Variants in SPON1 observed in about 807,000 individuals in gnomAD.
The protein encoded by SPON1 is spondin-1.
In SPON1, 52 loss-of-function variants were observed where a neutral mutation model predicts 111.7. That is an observed-to-expected ratio of 0.47 (90% CI 0.37 to 0.59). The LOEUF is 0.59. Ranked by LOEUF, SPON1 falls within the 20% of genes least tolerant of loss-of-function variation. The pLI, the probability that SPON1 is intolerant of heterozygous loss-of-function variation, is 0.00. For missense variants in SPON1, 957 were observed against 1,068.5 expected, an observed-to-expected ratio of 0.90 and a Z score of 1.46; for synonymous variants, 410 against 395.8, an observed-to-expected ratio of 1.04 and a Z score of -0.43.
At chr11:14,100,867 G>A (rs1347723634) in intron 5 of SPON1, among the ~76,000 whole-genome samples, 1 of 152,180 alleles carries the variant, frequency 6.6e-6, no homozygotes, top group Non-Finnish European at 1.5e-5. Flanking sequence ...ACTGATGGCT[G>A]ACATAAGACC....
At chr11:14,063,571 G>A (rs533482265) in intron 3 of SPON1, among the ~76,000 whole-genome samples, 2 of 152,210 alleles carry the variant, frequency 1.3e-5, no homozygotes, top group South Asian at 4.1e-4. Flanking sequence ...ACTCTGTGAG[G>A]GTCCAAGATG....
chr11:14,134,530 C>T (rs1847568141), intron 5 of SPON1, among the ~76,000 whole-genome samples: 2 of 152,204 alleles, frequency 1.3e-5, no homozygotes, highest in South Asian at 2.1e-4. Flanking sequence ...TGGTCACTTC[C>T]ACATATCCAA....
intron 6 of SPON1, among the ~76,000 whole-genome samples, chr11:14,169,021 A>G (rs1483855257): frequency 6.6e-6 from 1 of 152,200 alleles, no homozygotes; most frequent in Non-Finnish European, 1.5e-5. Flanking sequence ...ATACCCAGTA[A>G]TGGGATGGCT....
Position 14,256,636 on chromosome 11 carries a change from T to G in SPON1, c.1253T>G (p.Val418Gly). The G allele has an allele frequency of 6.2e-7, 1 of 1,612,364 alleles. No homozygotes were observed. The highest frequency in any genetic ancestry group is 8.5e-7 in the Non-Finnish European group (1 of 1,178,514). ...IARKGEQCNIVPDNVDDIVAD... is the reference protein window; with the variant it reads ...IARKGEQCNIGPDNVDDIVAD... Reference sequence around the variant, plus strand: ...TTTCAGGGTGAACAATGCAATATTGTACCTGACAATGTCGATGATATTGTA... The same window carrying G: ...TTTCAGGGTGAACAATGCAATATTGGACCTGACAATGTCGATGATATTGTA... The change falls in exon 10 of 16, where the codon GTA becomes GGA. Residue 418 changes from valine to glycine, a missense_variant. By Grantham distance (109) the Val-to-Gly change is moderately radical (BLOSUM62 -3). Around this residue, in one of 5 missense-constraint regions of SPON1, gnomAD observed 549 missense variants for 606.2 expected, o/e 0.91. Coordinates refer to ENST00000576479, the MANE Select transcript of SPON1 (RefSeq NM_006108.4).
intron 3 of SPON1, among the ~76,000 whole-genome samples, chr11:14,049,862 G>T (rs1332817188): frequency 6.6e-6 from 1 of 152,104 alleles, no homozygotes; most frequent in African/African-American, 2.4e-5. Context: ...TGCTGTCCCA[G>T]ACCCTGATGG....
At chr11:13,976,033 A>C (rs996467928) in intron 1 of SPON1, among the ~76,000 whole-genome samples, 1 of 152,188 alleles carries the variant, frequency 6.6e-6, no homozygotes, top group African/African-American at 2.4e-5. Context: ...CACTGGGATA[A>C]ATATTTATTT....
chr11:14,173,303 C>T (rs1223711121), intron 6 of SPON1, among the ~76,000 whole-genome samples: 1 of 152,216 alleles, frequency 6.6e-6, no homozygotes, highest in Non-Finnish European at 1.5e-5. Flanking sequence ...GAGGCTTGTG[C>T]ATTCGTCACG....
chr11:14,219,481 T>C (rs7105176), intron 6 of SPON1, among the ~76,000 whole-genome samples: 9,429 of 152,224 alleles, frequency 0.062, 999 homozygotes, highest in African/African-American at 0.22. Context: ...TTAAACCACA[T>C]ACAGAAGTGA....
chr11:14,095,455 A>AT (rs138097882), intron 5 of SPON1, among the ~76,000 whole-genome samples: 24,293 of 149,982 alleles, frequency 0.16, 2,077 homozygotes, highest in Middle Eastern at 0.21. Context: ...TAGATAATAC[A>AT]TTTTTTTTTG....
At chr11:14,223,787 C>G (rs1848707576) in intron 6 of SPON1, among the ~76,000 whole-genome samples, 1 of 152,220 alleles carries the variant, frequency 6.6e-6, no homozygotes, top group Non-Finnish European at 1.5e-5. Context: ...ATTTCCAAAG[C>G]TAGGTGCCCT....
intron 2 of SPON1, among the ~76,000 whole-genome samples, chr11:14,004,751 T>C (rs1183358923): frequency 2.0e-5 from 3 of 152,304 alleles, no homozygotes; most frequent in African/African-American, 7.2e-5. Context: ...TTATCAGATA[T>C]GTGAAATGCA....
chr11:14,155,292 T>C (rs7483781), intron 6 of SPON1, among the ~76,000 whole-genome samples: 59,651 of 151,940 alleles, frequency 0.39, 11,966 homozygotes, highest in East Asian at 0.55. Flanking sequence ...CACATTGCTA[T>C]AAAGAACTGT....
intron 3 of SPON1, among the ~76,000 whole-genome samples, chr11:14,057,719 A>G (rs1039883494): frequency 6.6e-6 from 1 of 151,824 alleles, no homozygotes; most frequent in Non-Finnish European, 1.5e-5. Context: ...CAGGGTTGCC[A>G]GACACAGTGG....
chr11:14,172,472 G>A (rs1591398860), intron 6 of SPON1, among the ~76,000 whole-genome samples: 1 of 151,482 alleles, frequency 6.6e-6, no homozygotes, highest in South Asian at 2.1e-4. Flanking sequence ...TCTTTTAATT[G>A]GAGCATTTAG....
intron 6 of SPON1, among the ~76,000 whole-genome samples, chr11:14,208,121 CAT>C (rs1803021212): frequency 6.6e-6 from 1 of 152,140 alleles, no homozygotes. Context: ...CCAAATATCA[CAT>C]GTTCTCCCTT....
intron 3 of SPON1, among the ~76,000 whole-genome samples, chr11:14,045,720 A>T (rs1214347434): frequency 6.6e-6 from 1 of 150,846 alleles, no homozygotes; most frequent in South Asian, 2.1e-4. Flanking sequence ...AATTTGATTT[A>T]TTTAGAACAT....
chr11:14,138,514 C>T lies in SPON1; in HGVS notation c.825+2946C>T, dbSNP rs1448185750. On this transcript the variant is annotated intron_variant, in intron 6 of 15. Coordinates refer to ENST00000576479, the MANE Select transcript of SPON1 (RefSeq NM_006108.4). ...GGGAAGGCCACAATGCTCACCCTTT[C>T]GTGGAAGGACAAAGGCAAATGTGTC... Among the ~76,000 whole-genome samples the T allele has an allele frequency of 5.9e-5, 9 of 152,158 alleles. 1 individual carries two copies. The highest frequency in any genetic ancestry group is 4.6e-4 in the Admixed American group (7 of 15,294).
At chr11:14,085,497 A>T (rs1554922493) in intron 5 of SPON1, among the ~76,000 whole-genome samples, 1 of 151,980 alleles carries the variant, frequency 6.6e-6, no homozygotes, top group Non-Finnish European at 1.5e-5. Context: ...GTTCTGTTCC[A>T]TTGATCTATA....
At chr11:14,157,371 G>T (rs941528386) in intron 6 of SPON1, among the ~76,000 whole-genome samples, 3 of 152,052 alleles carry the variant, frequency 2.0e-5, no homozygotes, top group Non-Finnish European at 4.4e-5. Context: ...TCTGTCTGTG[G>T]CTTTCATGAT....
Sources: allele counts gnomAD v4.1 joint callset (sites outside exome capture counted in the v4.1 genomes callset), GRCh38; gene constraint gnomAD v4.1.1; regional missense constraint gnomAD v4.1.1; transcripts MANE v1.5; gene names NCBI Gene and HGNC (gene_info 2026-07-23, HGNC 2026-07-21).